Variants in ZNF423 observed in about 807,000 individuals in gnomAD.
ZNF423 encodes the protein zinc finger protein 423.
Under a neutral mutation model 95.8 loss-of-function variants are expected in ZNF423, and 12 were observed. That is an observed-to-expected ratio of 0.13 (90% CI 0.08 to 0.20). The LOEUF (loss-of-function observed/expected upper bound fraction) is 0.20, where lower values mean the gene tolerates loss of function less well. Among genes scored for constraint, ZNF423 ranks in the 10% least tolerant of loss-of-function variants. The pLI, the probability that ZNF423 is intolerant of heterozygous loss-of-function variation, is 1.00. For synonymous variants in ZNF423, 749 were observed against 711.9 expected (o/e 1.05, Z -0.83); for missense variants, 1,316 against 1,737.1 (o/e 0.76, Z 4.31).
At chr16:49,731,493 A>G (rs2033166869) in intron 2 of ZNF423, 1 of 442,122 alleles carries the variant, frequency 2.3e-6, no homozygotes, top group African/African-American at 2.1e-5. Flanking sequence ...TGTTTGAAGA[A>G]CCATGGATGG....
At chr16:49,558,498 G>T (rs1424370275) in intron 5 of ZNF423, among the ~76,000 whole-genome samples, 1 of 152,188 alleles carries the variant, frequency 6.6e-6, no homozygotes, top group African/African-American at 2.4e-5. Flanking sequence ...GCCCAGAAGT[G>T]GCTGTAGGGG....
intron 3 of ZNF423, among the ~76,000 whole-genome samples, chr16:49,702,514 T>A (rs1315743377): frequency 6.6e-6 from 1 of 151,954 alleles, no homozygotes; most frequent in Admixed American, 6.5e-5. Context: ...CTGCAAGGCG[T>A]CATGCCGATC....
Position 49,698,465 on chromosome 16 carries a change from C to G in ZNF423, c.301+32306G>C, listed in dbSNP as rs374680118. On this transcript the variant is annotated intron_variant, in intron 3 of 7. Coordinates refer to ENST00000563137, the MANE Select transcript of ZNF423 (RefSeq NM_001379286.1). ...CAGGTCCGCCAACCATCCCCCGATC[C>G]GGCCGTGTTTAACTTTCTTTGCCAG... Among the ~76,000 whole-genome samples the G allele has an allele frequency of 1.6e-4, 25 of 152,340 alleles. No individual in the cohort carries two copies. In the East Asian group the frequency reaches 4.6e-3, roughly 28 times the overall value.
chr16:49,578,712 G>A (rs1970575445), intron 5 of ZNF423, among the ~76,000 whole-genome samples: 1 of 152,190 alleles, frequency 6.6e-6, no homozygotes, highest in Non-Finnish European at 1.5e-5. Flanking sequence ...GAAGGGAGGG[G>A]GACCAGCAGA....
At chr16:49,807,199 A>T (rs1409472331) in intron 1 of ZNF423, among the ~76,000 whole-genome samples, 1 of 152,156 alleles carries the variant, frequency 6.6e-6, no homozygotes, top group East Asian at 1.9e-4. Flanking sequence ...TGGGAGGCTG[A>T]GGCAGGCGGA....
At chr16:49,703,276 C>T (rs538901217) in intron 3 of ZNF423, among the ~76,000 whole-genome samples, 51 of 152,302 alleles carry the variant, frequency 3.3e-4, no homozygotes, top group African/African-American at 1.0e-3. Flanking sequence ...CTATCCATTA[C>T]GTCAGCTTGG....
At position 49,840,498 on chromosome 16, in the gene ZNF423, G is replaced by A. The variant is rs538325990; in HGVS notation, c.40+15237C>T. ...AGGGTCAGGTTAAACACAATGCTCC[G>A]AAAATATCTCAATGAATGGATATAA... is the stretch of plus-strand genomic sequence containing the variant. On this transcript the variant is annotated intron_variant, in intron 1 of 7. Coordinates refer to ENST00000563137, the MANE Select transcript of ZNF423 (RefSeq NM_001379286.1). 1.4e-4 allele frequency among the ~76,000 whole-genome samples: 22 copies of A among 152,246 alleles called. No homozygotes were observed. In the South Asian group the frequency reaches 3.5e-3, roughly 24 times the overall value.
At chr16:49,592,205 G>A (rs966153442) in intron 5 of ZNF423, among the ~76,000 whole-genome samples, 1 of 152,202 alleles carries the variant, frequency 6.6e-6, no homozygotes. Context: ...ACACAGAATT[G>A]GGAAAGGTAA....
intron 1 of ZNF423, chr16:49,853,762 C>G: frequency 3.0e-6 from 3 of 985,380 alleles, no homozygotes; most frequent in Non-Finnish European, 3.6e-6. Flanking sequence ...GGTTTTAGAA[C>G]TCGGTTCAAG....
chr16:49,509,757 C>G (rs1051757202), intron 7 of ZNF423, among the ~76,000 whole-genome samples: 2 of 152,158 alleles, frequency 1.3e-5, no homozygotes, highest in Admixed American at 6.5e-5. Context: ...AGTTCTGACA[C>G]AAATGGAGTT....
chr16:49,659,682 G>T (rs1008305839), intron 3 of ZNF423, among the ~76,000 whole-genome samples: 1 of 152,226 alleles, frequency 6.6e-6, no homozygotes, highest in African/African-American at 2.4e-5. Flanking sequence ...GATGGAGAGC[G>T]ATCAGTCACC....
intron 3 of ZNF423, among the ~76,000 whole-genome samples, chr16:49,696,100 C>T (rs912751679): frequency 3.3e-5 from 5 of 152,168 alleles, no homozygotes; most frequent in Non-Finnish European, 7.3e-5. Context: ...AACCCATGCC[C>T]AACTCTCACT....
intron 3 of ZNF423, among the ~76,000 whole-genome samples, chr16:49,713,235 C>T (rs961640813): frequency 2.0e-4 from 31 of 152,294 alleles, no homozygotes; most frequent in African/African-American, 7.0e-4. Context: ...CCACCCACTC[C>T]CCCACACAAA....
intron 1 of ZNF423, among the ~76,000 whole-genome samples, chr16:49,840,278 C>G (rs577450479): frequency 1.4e-4 from 22 of 152,228 alleles, no homozygotes; most frequent in Admixed American, 1.3e-3. Context: ...AATTTTAACT[C>G]TGTTTAATCC....
intron 3 of ZNF423, among the ~76,000 whole-genome samples, chr16:49,720,408 T>C (rs939536103): frequency 6.6e-6 from 1 of 152,112 alleles, no homozygotes; most frequent in Non-Finnish European, 1.5e-5. Flanking sequence ...CTGTCCACCC[T>C]GGGAGCTGCA....
At chr16:49,508,851 C>G (rs140176176) in intron 7 of ZNF423, among the ~76,000 whole-genome samples, 56 of 152,262 alleles carry the variant, frequency 3.7e-4, no homozygotes, top group African/African-American at 1.3e-3. Context: ...TACCCTAGAA[C>G]CCCAAAGAGC....
chr16:49,815,968 G>A (rs1448133468), intron 1 of ZNF423, among the ~76,000 whole-genome samples: 33 of 132,904 alleles, frequency 2.5e-4, no homozygotes, highest in African/African-American at 9.0e-4. Context: ...GCCCAGGCTG[G>A]AGTGCAGTGG....
intron 2 of ZNF423, among the ~76,000 whole-genome samples, chr16:49,763,068 A>G (rs1567331981): frequency 6.6e-6 from 1 of 151,658 alleles, no homozygotes; most frequent in Non-Finnish European, 1.5e-5. Context: ...GGGTCTTGCT[A>G]CGTCACCCAG....
In ZNF423 at chr16:49,638,154, G is replaced by T. The variant is rs755632324; in HGVS notation, c.1022C>A (p.Ser341Tyr). 60 of 1,610,586 alleles carry T rather than the reference G, an allele frequency of 3.7e-5. No homozygotes were observed. Among genetic ancestry groups the T allele is most frequent in the Non-Finnish European group, 4.6e-5 (54 of 1,180,020 alleles). Reference sequence around the variant, plus strand: ...GTGGCAGTAGACACCTTCCACTGAGGAGAACTGCTCAGGGCACATGGGGCA... The same window carrying T: ...GTGGCAGTAGACACCTTCCACTGAGTAGAACTGCTCAGGGCACATGGGGCA... ...HKCPMCPEQFSSVEGVYCHLD... is the reference protein window; with the variant it reads ...HKCPMCPEQFYSVEGVYCHLD... The change falls in exon 4 of 8, where the codon TCC (serine) becomes TAC (tyrosine). Residue 341 changes from serine (S) to tyrosine (Y), a missense_variant. Transcript: ENST00000563137. The surrounding 1 kb of genome is among the most constrained non-coding windows in gnomAD (Gnocchi z 5.6).
Sources: gnomAD v4.1 joint callset for allele counts (sites outside exome capture counted in the v4.1 genomes callset) on GRCh38, gnomAD v4.1.1 for gene constraint, Gnocchi (gnomAD v3.1) non-coding constraint, MANE v1.5 for transcripts, NCBI Gene and HGNC (gene_info 2026-07-23, HGNC 2026-07-21) for gene names.